PRKCB: variants seen among roughly 807,000 people sequenced by gnomAD.
PRKCB encodes protein kinase C beta, also known as protein kinase C beta type.
In PRKCB, 13 loss-of-function variants were observed where a neutral mutation model predicts 81.5. That is an observed-to-expected ratio of 0.16 (90% CI 0.10 to 0.25). PRKCB has a LOEUF of 0.25. PRKCB is among the 10% of genes least tolerant of loss of function. PRKCB has a pLI of 1.00. For synonymous variants in PRKCB, 335 were observed against 321.4 expected (o/e 1.04, Z -0.45); for missense variants, 509 against 875.7 (o/e 0.58, Z 5.29).
chr16:23,880,701 C>T (rs895169589), intron 2 of PRKCB, among the ~76,000 whole-genome samples: 3 of 148,498 alleles, frequency 2.0e-5, no homozygotes, highest in African/African-American at 5.0e-5. Flanking sequence ...ATATTTTCTT[C>T]GCTAAAACAT....
intron 2 of PRKCB, among the ~76,000 whole-genome samples, chr16:23,863,126 A>G (rs1962704977): frequency 6.8e-6 from 1 of 147,388 alleles, no homozygotes; most frequent in Non-Finnish European, 1.5e-5. Flanking sequence ...TCATATAATC[A>G]TATATATGCA....
intron 9 of PRKCB, among the ~76,000 whole-genome samples, chr16:24,135,078 T>TA (rs35009249): frequency 2.1e-4 from 31 of 150,208 alleles, no homozygotes; most frequent in South Asian, 1.1e-3. Context: ...CCTTGTGATT[T>TA]AAAAAAAAAA....
chr16:24,052,363 C>T (rs1362926952), intron 5 of PRKCB, among the ~76,000 whole-genome samples: 1 of 152,162 alleles, frequency 6.6e-6, no homozygotes, highest in Non-Finnish European at 1.5e-5. Context: ...CGATCCAGAA[C>T]CCAAGAGAGG....
chr16:24,031,112 C>T (rs1318969962), intron 3 of PRKCB, among the ~76,000 whole-genome samples: 2 of 152,144 alleles, frequency 1.3e-5, no homozygotes, highest in African/African-American at 4.8e-5. Context: ...TGCACAAACT[C>T]ACACAGCTTA....
chr16:23,906,315 A>C (rs568495509), intron 2 of PRKCB, among the ~76,000 whole-genome samples: 1 of 152,066 alleles, frequency 6.6e-6, no homozygotes, highest in East Asian at 1.9e-4. Context: ...TGAAAGCTCT[A>C]TTTCTTTTTC....
intron 2 of PRKCB, among the ~76,000 whole-genome samples, chr16:23,959,051 G>T (rs909846938): frequency 3.3e-5 from 5 of 152,196 alleles, no homozygotes; most frequent in Non-Finnish European, 4.4e-5. Flanking sequence ...TACCACGCAT[G>T]GTTGTTAGGA....
intron 5 of PRKCB, among the ~76,000 whole-genome samples, chr16:24,063,617 C>A (rs1031273951): frequency 6.6e-6 from 1 of 151,954 alleles, no homozygotes; most frequent in Non-Finnish European, 1.5e-5. Flanking sequence ...TCACTGGGTT[C>A]CATTTTTTTT....
intron 8 of PRKCB, among the ~76,000 whole-genome samples, chr16:24,120,892 C>A (rs1386227719): frequency 6.6e-6 from 1 of 152,100 alleles, no homozygotes; most frequent in Middle Eastern, 3.2e-3. Flanking sequence ...CACCACCATG[C>A]CTGGCTCATC....
At chr16:24,009,172 T>C (rs1375508510) in intron 3 of PRKCB, among the ~76,000 whole-genome samples, 1 of 152,186 alleles carries the variant, frequency 6.6e-6, no homozygotes, top group African/African-American at 2.4e-5. Context: ...CTGCTAACAT[T>C]TCTTCAGGAT....
At chr16:23,928,191 T>C (rs1963922223) in intron 2 of PRKCB, among the ~76,000 whole-genome samples, 2 of 152,068 alleles carry the variant, frequency 1.3e-5, no homozygotes, top group African/African-American at 4.8e-5. Context: ...AATGGCATGA[T>C]CTCAGCTCAC....
intron 16 of PRKCB, among the ~76,000 whole-genome samples, chr16:24,193,453 A>AAATG (rs1967825619): frequency 1.3e-4 from 1 of 7,960 alleles, no homozygotes. Flanking sequence ...TCAAATAAAT[A>AAATG]AATAAATAAA....
intron 2 of PRKCB, among the ~76,000 whole-genome samples, chr16:23,904,406 T>C (rs1377539340): frequency 2.0e-5 from 3 of 152,236 alleles, no homozygotes; most frequent in African/African-American, 4.8e-5. Context: ...CTCATGTCTG[T>C]AATCCCAGCA....
At chr16:24,123,018 T>C (rs200997022) in intron 8 of PRKCB, among the ~76,000 whole-genome samples, 26 of 152,164 alleles carry the variant, frequency 1.7e-4, no homozygotes, top group Admixed American at 1.2e-3. Flanking sequence ...AGGAAAACCA[T>C]GGAGAATGAG....
chr16:23,883,152 G>A (rs1384101934), intron 2 of PRKCB, among the ~76,000 whole-genome samples: 3 of 152,060 alleles, frequency 2.0e-5, no homozygotes, highest in Non-Finnish European at 2.9e-5. Context: ...ACACAGGTAA[G>A]CAAATTGAAA....
At chr16:24,092,973 A>C in intron 6 of PRKCB, 26 bp downstream of exon 6, 1 of 1,607,554 alleles carries the variant, frequency 6.2e-7, no homozygotes, top group Middle Eastern at 1.7e-4. Flanking sequence ...TGCAGTGAGC[A>C]TGGGTGGTGG....
chr16:23,865,533 G>T (rs867837366), intron 2 of PRKCB, among the ~76,000 whole-genome samples: 3 of 6,078 alleles, frequency 4.9e-4, no homozygotes, highest in Non-Finnish European at 9.0e-4. Context: ...GTGTGTGTGT[G>T]TGTGTGTGTG....
At chr16:23,953,045 C>T (rs1164801436) in intron 2 of PRKCB, among the ~76,000 whole-genome samples, 1 of 152,154 alleles carries the variant, frequency 6.6e-6, no homozygotes, top group East Asian at 1.9e-4. Flanking sequence ...CTAGAGCATT[C>T]TCCATGCATT....
Position 24,094,190 on chromosome 16 carries a change from A to G in PRKCB, c.714A>G (p.Arg238=), listed in dbSNP as rs17847891. The G allele has an allele frequency of 3.3e-4, 532 of 1,614,166 alleles. 4 individuals are homozygous for G. The East Asian group carries it at 0.01, about 31-fold the overall frequency. The change falls in exon 7 of 17, where the codon AGA becomes AGG. Residue 238 remains arginine, a synonymous_variant. Coordinates refer to ENST00000643927, the MANE Select transcript of PRKCB (RefSeq NM_002738.7). Reference sequence around the variant, plus strand: ...AGCTGAAAGAATCGGACAAAGACAGAAGACTGTCAGTAGAGATTTGGGATT... The same window carrying G: ...AGCTGAAAGAATCGGACAAAGACAGGAGACTGTCAGTAGAGATTTGGGATT... ...RFQLKESDKD[R]RLSVEIWDWD...
At chr16:24,016,682 G>GA (rs11339031) in intron 3 of PRKCB, among the ~76,000 whole-genome samples, 3 of 152,132 alleles carry the variant, frequency 2.0e-5, no homozygotes, top group African/African-American at 7.2e-5. Context: ...GTTTATGGGG[G>GA]AAAAAATCTT....
Sources: allele counts gnomAD v4.1 joint callset (sites outside exome capture counted in the v4.1 genomes callset), GRCh38; gene constraint gnomAD v4.1.1; transcripts MANE v1.5; gene names NCBI Gene and HGNC (gene_info 2026-07-23, HGNC 2026-07-21).